The following RYR3 variants were observed in gnomAD, a reference collection of about 807,000 sequenced individuals.
RYR3 encodes brain ryanodine receptor-calcium release channel.
Under a neutral mutation model 584.3 loss-of-function variants are expected in RYR3, and 207 were observed. That is an observed-to-expected ratio of 0.35 (90% CI 0.32 to 0.40). The LOEUF (loss-of-function observed/expected upper bound fraction) is 0.40. Ranked by LOEUF, RYR3 falls within the 10% of genes least tolerant of loss-of-function variation. The pLI, the probability that RYR3 is intolerant of heterozygous loss-of-function variation, is 1.00. For missense variants in RYR3, 5,616 were observed against 6,089.2 expected, an observed-to-expected ratio of 0.92 and a Z score of 2.59; for synonymous variants, 2,416 against 2,248.5, an observed-to-expected ratio of 1.07 and a Z score of -2.11.
chr15:33,794,364 A>T (rs977624922), intron 67 of RYR3, among the ~76,000 whole-genome samples: 5 of 138,216 alleles, frequency 3.6e-5, no homozygotes, highest in Non-Finnish European at 6.2e-5. Flanking sequence ...TATATATATA[A>T]AATCTTTTCT....
At chr15:33,646,195 A>T (rs8031151) in intron 28 of RYR3, 156 bp from the exon 29 acceptor site, 459,637 of 599,674 alleles carry the variant, frequency 0.77, 176,939 homozygotes, top group Admixed American at 0.86. Flanking sequence ...ACAAGGCCCA[A>T]GTAATGATGA....
chr15:33,658,531 G>A (rs2062955614), intron 32 of RYR3, among the ~76,000 whole-genome samples: 1 of 152,194 alleles, frequency 6.6e-6, no homozygotes, highest in Non-Finnish European at 1.5e-5. Flanking sequence ...TGACCCATTG[G>A]GGTCACCTTA....
chr15:33,529,482 CCT>C (rs1321681915), intron 3 of RYR3, among the ~76,000 whole-genome samples: 1 of 152,168 alleles, frequency 6.6e-6, no homozygotes, highest in East Asian at 1.9e-4. Flanking sequence ...ACGGGCAGAG[CCT>C]CAAACCAGTC....
At chr15:33,446,570 G>A (rs1260867665) in intron 1 of RYR3, among the ~76,000 whole-genome samples, 1 of 152,216 alleles carries the variant, frequency 6.6e-6, no homozygotes, top group African/African-American at 2.4e-5. Flanking sequence ...CCCTCTGTGT[G>A]TGTCCGTGTC....
chr15:33,445,626 A>G (rs986441151), intron 1 of RYR3, among the ~76,000 whole-genome samples: 1 of 144,632 alleles, frequency 6.9e-6, no homozygotes, highest in Non-Finnish European at 1.5e-5. Context: ...TCCTCATCCC[A>G]TTTTTCTACA....
In RYR3 at chr15:33,862,528, G is replaced by C. The variant is rs142344605; in HGVS notation, c.14465+1350G>C. Among the ~76,000 whole-genome samples the C allele has an allele frequency of 4.5e-3, 687 of 152,332 alleles. 6 individuals are homozygous for C. Among genetic ancestry groups the C allele is most frequent in the African/African-American group, 0.016 (667 of 41,568 alleles). ...AGCCCTCATCTTTCTTTAGGCTAGA[G>C]CAGGCTCAGCCTTTGGAGAAGGCAT... On this transcript the variant is annotated intron_variant, in intron 102 of 103. Coordinates refer to ENST00000634891, the MANE Select transcript of RYR3 (RefSeq NM_001036.6).
chr15:33,601,839 A>T (rs1176396330), intron 17 of RYR3, among the ~76,000 whole-genome samples: 2 of 152,254 alleles, frequency 1.3e-5, no homozygotes, highest in Non-Finnish European at 2.9e-5. Flanking sequence ...GTTTTCTTTT[A>T]AACAGTAATG....
chr15:33,680,227 G>T (rs2064489597), intron 38 of RYR3, among the ~76,000 whole-genome samples: 1 of 152,218 alleles, frequency 6.6e-6, no homozygotes, highest in Non-Finnish European at 1.5e-5. Context: ...GTATACCTCA[G>T]CTTCTGAAAT....
intron 1 of RYR3, among the ~76,000 whole-genome samples, chr15:33,443,986 C>T (rs1025333224): frequency 6.6e-6 from 1 of 152,110 alleles, no homozygotes; most frequent in African/African-American, 2.4e-5. Flanking sequence ...TTACTCACAC[C>T]CTGTAGGTTA....
chr15:33,406,010 C>T (rs1254778296), intron 1 of RYR3, among the ~76,000 whole-genome samples: 10 of 152,226 alleles, frequency 6.6e-5, no homozygotes, highest in Non-Finnish European at 1.0e-4. Flanking sequence ...CTCAGTGGCT[C>T]TGCTTAGTTT....
chr15:33,325,243 C>A (rs939709321), intron 1 of RYR3, among the ~76,000 whole-genome samples: 1 of 152,134 alleles, frequency 6.6e-6, no homozygotes, highest in Non-Finnish European at 1.5e-5. Context: ...AAACCAGTAA[C>A]CACTCTATAG....
Position 33,774,366 on chromosome 15 carries a change from G to T in RYR3, c.9137+751G>T, listed in dbSNP as rs140733980. Reference sequence around the variant, plus strand: ...CCTTTTCAAACAAGCAAACTGGAAAGAATTCGGTCTGTGCTTACAATTACT... The same window carrying T: ...CCTTTTCAAACAAGCAAACTGGAAATAATTCGGTCTGTGCTTACAATTACT... On this transcript the variant is annotated intron_variant, in intron 64 of 103. Coordinates refer to ENST00000634891, the MANE Select transcript of RYR3 (RefSeq NM_001036.6). 1.8e-3 allele frequency among the ~76,000 whole-genome samples: 272 copies of T among 152,332 alleles called. 2 individuals carry two copies. The Middle Eastern group carries it at 0.02, about 11-fold the overall frequency.
chr15:33,475,519 G>T (rs2049297814), intron 2 of RYR3, among the ~76,000 whole-genome samples: 1 of 152,218 alleles, frequency 6.6e-6, no homozygotes, highest in Non-Finnish European at 1.5e-5. Context: ...TGCTGCCACT[G>T]ATCTGACAGG....
At chr15:33,363,971 T>G (rs8038362) in intron 1 of RYR3, among the ~76,000 whole-genome samples, 1,657 of 152,352 alleles carry the variant, frequency 0.011, 28 homozygotes, top group African/African-American at 0.038. Flanking sequence ...CTTTTTCCAC[T>G]GTAAATTTTA....
chr15:33,618,782 C>A (rs997402430), intron 19 of RYR3, among the ~76,000 whole-genome samples: 2 of 152,114 alleles, frequency 1.3e-5, no homozygotes, highest in African/African-American at 4.8e-5. Context: ...AATATGATAG[C>A]CTAACGAAAG....
intron 94 of RYR3, chr15:33,852,068 A>C (rs2079162588): frequency 6.7e-5 from 1 of 14,882 alleles, no homozygotes; most frequent in African/African-American, 1.6e-4. Context: ...GCGGCATGAG[A>C]GGTCAGTGAA....
chr15:33,765,030 CAAAAAAAAAAA>C (rs1183335863), intron 60 of RYR3, among the ~76,000 whole-genome samples: 2 of 85,778 alleles, frequency 2.3e-5, no homozygotes, highest in Non-Finnish European at 4.1e-5. Flanking sequence ...GACTTCGTCT[CAAAAAAAAAAA>C]AAAAAAAAAG....
In RYR3 at chr15:33,722,816, T is replaced by C; in HGVS notation, c.6721T>C (p.Leu2241=). 9.3e-6 allele frequency: 15 copies of C among 1,613,324 alleles called. No homozygotes were observed. Among genetic ancestry groups the C allele is most frequent in the Non-Finnish European group, 1.3e-5 (15 of 1,179,602 alleles). ...GCGGGGTGAGGGGGGAAACGGGCTCTTGGCAGCCATGCAGGGTGCCATTAA... is the reference window on the plus strand; with the variant it reads ...GCGGGGTGAGGGGGGAAACGGGCTCCTGGCAGCCATGCAGGGTGCCATTAA... The part of the protein sequence containing the change: ...ALRGEGGNGL[L]AAMQGAIKIS... Residue 2241 remains leucine, a synonymous_variant, in exon 44 of 104, where the codon TTG becomes CTG. Coordinates refer to ENST00000634891, the MANE Select transcript of RYR3 (RefSeq NM_001036.6).
At chr15:33,651,207 C>T (rs539114025) in intron 31 of RYR3, among the ~76,000 whole-genome samples, 11 of 152,250 alleles carry the variant, frequency 7.2e-5, no homozygotes, top group South Asian at 4.1e-4. Flanking sequence ...ATACAAAATC[C>T]GTTTACAGAT....
Sources: allele counts gnomAD v4.1 joint callset (sites outside exome capture counted in the v4.1 genomes callset), GRCh38; gene constraint gnomAD v4.1.1; transcripts MANE v1.5; gene names NCBI Gene and HGNC (gene_info 2026-07-23, HGNC 2026-07-21).